The following NKAIN3 variants were observed in gnomAD, a reference collection of about 807,000 sequenced individuals.
NKAIN3 encodes sodium/potassium-transporting ATPase subunit beta-1-interacting protein 3.
NKAIN3 carries 25 observed loss-of-function variants against 30.2 expected under a neutral mutation model. That is an observed-to-expected ratio of 0.83 (90% CI 0.60 to 1.16). NKAIN3 has a LOEUF of 1.16. Among genes scored for constraint, NKAIN3 ranks in the 50% most tolerant of loss-of-function variants. NKAIN3 has a pLI of 0.00. For synonymous variants in NKAIN3, 91 were observed against 89.6 expected, an observed-to-expected ratio of 1.02 and a Z score of -0.09; for missense variants, 225 against 254.1, an observed-to-expected ratio of 0.89 and a Z score of 0.78.
At chr8:62,698,749 A>G (rs1814242450) in intron 3 of NKAIN3, among the ~76,000 whole-genome samples, 1 of 152,140 alleles carries the variant, frequency 6.6e-6, no homozygotes, top group African/African-American at 2.4e-5. Context: ...AATTTCAACT[A>G]CAAATTTGGG....
chr8:62,994,743 C>T (rs1230740046), intron 5 of NKAIN3, among the ~76,000 whole-genome samples: 1 of 152,174 alleles, frequency 6.6e-6, no homozygotes, highest in Non-Finnish European at 1.5e-5. Flanking sequence ...TTTCCTCCAT[C>T]TCCATCTGGA....
chr8:62,352,768 C>A (rs530054196), intron 1 of NKAIN3, among the ~76,000 whole-genome samples: 133 of 152,252 alleles, frequency 8.7e-4, no homozygotes, highest in African/African-American at 3.1e-3. Flanking sequence ...GGTGAGCATG[C>A]GTGTCTCCCG....
At chr8:62,998,841 T>A (rs1804186358) in intron 5 of NKAIN3, among the ~76,000 whole-genome samples, 1 of 152,194 alleles carries the variant, frequency 6.6e-6, no homozygotes, top group African/African-American at 2.4e-5. Flanking sequence ...ATTTCCTGCT[T>A]GATAAACCAA....
At chr8:62,623,538 G>T (rs1290376657) in intron 3 of NKAIN3, among the ~76,000 whole-genome samples, 2 of 151,922 alleles carry the variant, frequency 1.3e-5, no homozygotes, top group Non-Finnish European at 2.9e-5. Flanking sequence ...GATCAATTAA[G>T]AATAATAAAA....
At chr8:62,368,288 TACTTG>T (rs1265668588) in intron 1 of NKAIN3, among the ~76,000 whole-genome samples, 1 of 152,166 alleles carries the variant, frequency 6.6e-6, no homozygotes, top group Non-Finnish European at 1.5e-5. Flanking sequence ...AATATCATAG[TACTTG>T]ATCTCAAAAT....
chr8:62,466,772 A>G (rs933124938), intron 1 of NKAIN3, among the ~76,000 whole-genome samples: 2 of 152,104 alleles, frequency 1.3e-5, no homozygotes, highest in East Asian at 1.9e-4. Flanking sequence ...AGTATAATGC[A>G]TATTCTTCTT....
At chr8:62,312,743 G>A (rs2129588783) in intron 1 of NKAIN3, among the ~76,000 whole-genome samples, 1 of 151,742 alleles carries the variant, frequency 6.6e-6, no homozygotes, top group East Asian at 1.9e-4. Context: ...CCTGAGCCTG[G>A]GGAGATAGAG....
intron 3 of NKAIN3, among the ~76,000 whole-genome samples, chr8:62,705,777 T>C (rs1490173719): frequency 1.3e-5 from 2 of 152,172 alleles, no homozygotes; most frequent in Non-Finnish European, 2.9e-5. Context: ...TTGAGTTTTC[T>C]GCATTAAAGC....
At position 62,859,508 on chromosome 8, in the gene NKAIN3, T is replaced by TAAAAAAAAAAAA. The variant is rs531859546; in HGVS notation, c.472-58943_472-58932dup. On this transcript the variant is annotated intron_variant, in intron 4 of 6. Transcript: ENST00000623646. ...ACTTTTTCTATACTCTTACTTCAAC[T>TAAAAAAAAAAAA]AAAAAAAAAAAAACTTCATGGAAGT... is the stretch of plus-strand genomic sequence containing the variant. Among the ~76,000 whole-genome samples the TAAAAAAAAAAAA allele has an allele frequency of 3.3e-4, 20 of 60,400 alleles. 3 individuals carry two copies. The highest frequency in any genetic ancestry group is 9.0e-4 in the South Asian group (1 of 1,106). 39.6% of individuals were successfully genotyped at this position (60,400 alleles called of 152,430 possible).
chr8:62,851,433 T>C (rs542647702), intron 4 of NKAIN3, among the ~76,000 whole-genome samples: 1 of 152,320 alleles, frequency 6.6e-6, no homozygotes, highest in African/African-American at 2.4e-5. Context: ...CTTTTCCTAA[T>C]TGAATACCCT....
chr8:62,706,712 G>T (rs1197793964), intron 3 of NKAIN3, among the ~76,000 whole-genome samples: 3 of 151,630 alleles, frequency 2.0e-5, no homozygotes, highest in Admixed American at 1.3e-4. Context: ...TAAGTTATTG[G>T]GATACAGGTG....
intron 1 of NKAIN3, among the ~76,000 whole-genome samples, chr8:62,287,667 TA>T (rs780948966): frequency 6.7e-4 from 102 of 152,144 alleles, no homozygotes; most frequent in Middle Eastern, 3.2e-3. Flanking sequence ...AAATTTCTCT[TA>T]GGAGTTTTTT....
At chr8:62,939,368 C>T (rs1347860954) in intron 5 of NKAIN3, among the ~76,000 whole-genome samples, 1 of 152,132 alleles carries the variant, frequency 6.6e-6, no homozygotes, top group Non-Finnish European at 1.5e-5. Context: ...GGCCTTACTA[C>T]AGATCTAGAC....
intron 1 of NKAIN3, among the ~76,000 whole-genome samples, chr8:62,412,168 T>C (rs1185604335): frequency 6.6e-6 from 1 of 152,188 alleles, no homozygotes; most frequent in East Asian, 1.9e-4. Context: ...ATTCAAACTA[T>C]ACTATAAAGA....
intron 1 of NKAIN3, among the ~76,000 whole-genome samples, chr8:62,348,129 G>A (rs1816065887): frequency 6.6e-6 from 1 of 152,024 alleles, no homozygotes; most frequent in Non-Finnish European, 1.5e-5. Flanking sequence ...TTTAGGAAAA[G>A]GTGAATTTAA....
At chr8:62,271,463 A>G (rs1812776259) in intron 1 of NKAIN3, among the ~76,000 whole-genome samples, 1 of 152,152 alleles carries the variant, frequency 6.6e-6, no homozygotes, top group Non-Finnish European at 1.5e-5. Context: ...TATATCTGAA[A>G]TGGTAGTATC....
At chr8:62,258,658 T>TAAAAAAGA (rs201976825) in intron 1 of NKAIN3, among the ~76,000 whole-genome samples, 2 of 151,106 alleles carry the variant, frequency 1.3e-5, no homozygotes. Flanking sequence ...AGACACTGTC[T>TAAAAAAGA]AAAAAAGAAA....
At chr8:62,397,050 C>G (rs1817788362) in intron 1 of NKAIN3, among the ~76,000 whole-genome samples, 1 of 152,088 alleles carries the variant, frequency 6.6e-6, no homozygotes, top group African/African-American at 2.4e-5. Context: ...TTGGGGTGTT[C>G]TAGAAGAATC....
intron 5 of NKAIN3, among the ~76,000 whole-genome samples, chr8:62,937,699 G>A (rs1192851351): frequency 6.6e-6 from 1 of 151,992 alleles, no homozygotes; most frequent in African/African-American, 2.4e-5. Context: ...TGTAGTGGGG[G>A]GGCAAAAGGG....
Sources: gnomAD v4.1 joint callset for allele counts (sites outside exome capture counted in the v4.1 genomes callset) on GRCh38, gnomAD v4.1.1 for gene constraint, MANE v1.5 for transcripts, NCBI Gene and HGNC (gene_info 2026-07-23, HGNC 2026-07-21) for gene names.